The following XPA variants were observed in gnomAD, a reference collection of about 807,000 sequenced individuals.
XPA encodes XPA, DNA damage recognition and repair factor.
Under a neutral mutation model 35.7 loss-of-function variants are expected in XPA, and 27 were observed. The observed-to-expected ratio is 0.76, with a 90% CI of 0.56 to 1.04. The LOEUF (loss-of-function observed/expected upper bound fraction) is 1.04. XPA is among the 50% of genes least tolerant of loss of function. The pLI is 0.00. For synonymous variants in XPA, 133 were observed against 118.4 expected, an observed-to-expected ratio of 1.12 and a Z score of -0.80; for missense variants, 354 against 342.7, an observed-to-expected ratio of 1.03 and a Z score of -0.26.
intron 5 of XPA, chr9:97,675,797 T>C (rs1828347349): frequency 1.6e-6 from 1 of 620,562 alleles, no homozygotes; most frequent in Non-Finnish European, 2.8e-6. Flanking sequence ...GTGAATCAAG[T>C]TGTCACTGGA....
intron 5 of XPA, among the ~76,000 whole-genome samples, chr9:97,677,082 T>TCAACGTAAGACATCTGGC: frequency 6.6e-6 from 1 of 152,048 alleles, no homozygotes; most frequent in East Asian, 1.9e-4. Context: ...AACTTGGTTC[T>TCAACGTAAGACATCTGGC]CACCTTATCC....
At chr9:97,658,654 A>G in the XPA span, 2 of 1,610,934 alleles carry the variant, frequency 1.2e-6, no homozygotes, top group Non-Finnish European at 1.7e-6. Flanking sequence ...TCTTACCATC[A>G]GCGTATATTA....
chr9:97,658,617 T>A, the XPA span: 31 of 1,541,612 alleles, frequency 2.0e-5, no homozygotes, highest in Non-Finnish European at 2.7e-5. Flanking sequence ...AGATATTTTC[T>A]GAGGCTGTTA....
At chr9:97,657,157 G>A in the XPA span, among the ~76,000 whole-genome samples, 1 of 152,164 alleles carries the variant, frequency 6.6e-6, no homozygotes, top group African/African-American at 2.4e-5. Flanking sequence ...TAGTAGAGAC[G>A]GGGTTTCACT....
chr9:97,678,556 A>G (rs982306695), intron 5 of XPA, among the ~76,000 whole-genome samples: 6 of 152,226 alleles, frequency 3.9e-5, no homozygotes, highest in African/African-American at 9.6e-5. Flanking sequence ...ATTCATACCA[A>G]TGATAAGTAA....
downstream of XPA, among the ~76,000 whole-genome samples, chr9:97,670,509 A>G (rs533158930): frequency 5.3e-5 from 8 of 152,138 alleles, no homozygotes; most frequent in African/African-American, 1.7e-4. Context: ...TGTTCATTCT[A>G]GAAGAATGAT....
chr9:97,661,393 C>G, the XPA span, among the ~76,000 whole-genome samples: 33 of 152,274 alleles, frequency 2.2e-4, 1 homozygote, highest in East Asian at 6.0e-3. Context: ...TGGATGTTTT[C>G]TCCAAGTTAA....
At chr9:97,691,426 G>A (rs1453564280) in intron 2 of XPA, among the ~76,000 whole-genome samples, 1 of 152,154 alleles carries the variant, frequency 6.6e-6, no homozygotes, top group Non-Finnish European at 1.5e-5. Context: ...AGTAAGGCTG[G>A]CACAGTGGCT....
At chr9:97,660,416 A>C in the XPA span, among the ~76,000 whole-genome samples, 1 of 152,200 alleles carries the variant, frequency 6.6e-6, no homozygotes, top group Admixed American at 6.5e-5. Flanking sequence ...TGAGCATCTG[A>C]CTTACGTAGA....
intron 5 of XPA, among the ~76,000 whole-genome samples, chr9:97,682,796 AATTAT>A (rs1186179333): frequency 6.6e-6 from 1 of 152,200 alleles, no homozygotes; most frequent in Non-Finnish European, 1.5e-5. Flanking sequence ...AAAAAAAGCT[AATTAT>A]ATTAAAGTTT....
intron 5 of XPA, among the ~76,000 whole-genome samples, chr9:97,678,167 G>A (rs534125154): frequency 2.6e-5 from 4 of 152,260 alleles, no homozygotes; most frequent in South Asian, 2.1e-4. Context: ...TTGGGAGGCC[G>A]AGGCAGGTGG....
the XPA span, among the ~76,000 whole-genome samples, chr9:97,658,217 C>T: frequency 1.1e-4 from 16 of 152,166 alleles, no homozygotes; most frequent in South Asian, 1.9e-3. Flanking sequence ...GTATATATGC[C>T]TCCAATTCCA....
At chr9:97,687,322 T>C (rs1197405376) in intron 3 of XPA, 61 bp from the exon 4 acceptor site, 7 of 1,463,946 alleles carry the variant, frequency 4.8e-6, no homozygotes, top group Non-Finnish European at 6.4e-6. Flanking sequence ...AGTTTGCAAA[T>C]AGCCCAGCAA....
the XPA span, chr9:97,669,819 T>C: frequency 1.3e-6 from 1 of 754,088 alleles, no homozygotes; most frequent in Middle Eastern, 2.9e-4. Context: ...TGTTAGACCC[T>C]TTAGTTCATG....
chr9:97,659,719 T>C, the XPA span, among the ~76,000 whole-genome samples: 1 of 152,194 alleles, frequency 6.6e-6, no homozygotes, highest in Admixed American at 6.5e-5. Context: ...AGTTTTGTCC[T>C]GTACTGGTTC....
At chr9:97,669,986 G>C (rs887520370), downstream of XPA, 1 of 448,328 alleles carries the variant, frequency 2.2e-6, no homozygotes, top group African/African-American at 2.2e-5. Context: ...TCAGTGACAC[G>C]ATCTCAGCTC....
chr9:97,669,740 A>G, the XPA span: 1 of 1,370,762 alleles, frequency 7.3e-7, no homozygotes, highest in Non-Finnish European at 1.0e-6. Context: ...TAATAACACT[A>G]TTCTCAGCCA....
chr9:97,661,938 T>C, the XPA span: 1 of 617,562 alleles, frequency 1.6e-6, no homozygotes, highest in Non-Finnish European at 2.7e-6. Context: ...ATTACACAAA[T>C]ATCTGTGTAT....
intron 2 of XPA, among the ~76,000 whole-genome samples, chr9:97,692,030 C>T (rs1452325038): frequency 2.0e-5 from 3 of 151,776 alleles, no homozygotes; most frequent in African/African-American, 7.3e-5. Flanking sequence ...CAGTGGCTCA[C>T]GCCTGTAATC....
Sources: gnomAD v4.1 joint callset for allele counts (sites outside exome capture counted in the v4.1 genomes callset) on GRCh38, gnomAD v4.1.1 for gene constraint, MANE v1.5 for transcripts, NCBI Gene and HGNC (gene_info 2026-07-23, HGNC 2026-07-21) for gene names.